The following CMBL variants were observed in gnomAD, a reference collection of about 807,000 sequenced individuals.
CMBL encodes carboxymethylenebutenolidase homolog.
CMBL carries 17 observed loss-of-function variants against 28.7 expected under a neutral mutation model. That is an observed-to-expected ratio of 0.59 (90% CI 0.41 to 0.89). The LOEUF (loss-of-function observed/expected upper bound fraction) is 0.89, where lower values mean the gene tolerates loss of function less well. CMBL is among the 40% of genes least tolerant of loss of function. The pLI is 0.00. For missense variants in CMBL, 310 were observed against 298.5 expected (o/e 1.04, Z -0.28); for synonymous variants, 106 against 101.6 (o/e 1.04, Z -0.26).
At chr5:10,301,376 A>G (rs896323971) in intron 1 of CMBL, among the ~76,000 whole-genome samples, 1 of 152,182 alleles carries the variant, frequency 6.6e-6, no homozygotes, top group Non-Finnish European at 1.5e-5. Context: ...ATAGAACTAT[A>G]ATTAGTAAGA....
chr5:10,295,505 CA>C (rs1173674094), intron 1 of CMBL, among the ~76,000 whole-genome samples: 1 of 152,180 alleles, frequency 6.6e-6, no homozygotes, highest in Non-Finnish European at 1.5e-5. Flanking sequence ...AATGTGTCCC[CA>C]AAAAGTCAGA....
chr5:10,305,065 A>C (rs1485176668), intron 1 of CMBL, among the ~76,000 whole-genome samples: 3 of 152,158 alleles, frequency 2.0e-5, no homozygotes, highest in Non-Finnish European at 4.4e-5. Flanking sequence ...TCCTCGTTAC[A>C]CATGCTGTCA....
In CMBL at chr5:10,289,565, C is replaced by T. The variant is rs1030968357; in HGVS notation, c.215+983G>A. Among the ~76,000 whole-genome samples, 2 of 152,216 alleles carry T rather than the reference C, an allele frequency of 1.3e-5. No individual in the cohort carries two copies. The highest frequency in any genetic ancestry group is 4.8e-5 in the African/African-American group (2 of 41,448). ...TGCAAAATGAGAGCAATAACAGCTC[C>T]TCCCTCAAGGGGCTGCCAGGAGGAC... On this transcript the variant is annotated intron_variant, in intron 2 of 5. Coordinates refer to ENST00000296658, the MANE Select transcript of CMBL (RefSeq NM_138809.4). This position sits in a 1 kb window ranked among gnomAD's most constrained non-coding sequence, Gnocchi z 4.3.
At chr5:10,290,247 G>A (rs1033970908) in intron 2 of CMBL, among the ~76,000 whole-genome samples, 8 of 152,158 alleles carry the variant, frequency 5.3e-5, no homozygotes, top group African/African-American at 1.9e-4. Flanking sequence ...GGCCTCAGAT[G>A]TCCAGTGCCT....
At chr5:10,297,942 C>T (rs1746837085) in intron 1 of CMBL, among the ~76,000 whole-genome samples, 1 of 152,076 alleles carries the variant, frequency 6.6e-6, no homozygotes, top group African/African-American at 2.4e-5. Context: ...GTCAGCAGCT[C>T]AGGGTGAGAG....
chr5:10,292,211 T>C (rs1157144616), intron 1 of CMBL: 1 of 152,100 alleles, frequency 6.6e-6, no homozygotes, highest in Non-Finnish European at 1.5e-5. Flanking sequence ...AACTTGGATT[T>C]TTTTTTGTTT....
intron 1 of CMBL, among the ~76,000 whole-genome samples, chr5:10,302,913 G>A (rs536225811): frequency 3.9e-5 from 6 of 152,146 alleles, no homozygotes; most frequent in Admixed American, 3.9e-4. Context: ...TCCCTTTCCA[G>A]GTCTCTTTCT....
rs1010051170 is a variant in CMBL, at chr5:10,279,122, G to A, written c.*1331C>T. Among the ~76,000 whole-genome samples, 3 of 152,114 alleles carry A rather than the reference G, an allele frequency of 2.0e-5. No individual in the cohort carries two copies. Among genetic ancestry groups the A allele is most frequent in the Admixed American group, 6.5e-5 (1 of 15,272 alleles). ...GTTTCTCACCGGCTCTCCCCTTTACGCCACCACCAGAAACACAGGAGATAT... is the reference window on the plus strand; with the variant it reads ...GTTTCTCACCGGCTCTCCCCTTTACACCACCACCAGAAACACAGGAGATAT... On this transcript the variant is annotated 3_prime_UTR_variant, in exon 6 of 6. Coordinates refer to ENST00000296658, the MANE Select transcript of CMBL (RefSeq NM_138809.4).
rs1746437413 is a variant in CMBL, at chr5:10,278,642, G to A, written c.*1811C>T. Among the ~76,000 whole-genome samples, 1 of 152,092 alleles carries A rather than the reference G, an allele frequency of 6.6e-6. No homozygotes were observed. The highest frequency in any genetic ancestry group is 6.5e-5 in the Admixed American group (1 of 15,268). On this transcript the variant is annotated 3_prime_UTR_variant, in exon 6 of 6. Transcript: ENST00000296658. Reference sequence around the variant, plus strand: ...GGCTCCCCCTTTTTGCTGGCCCTGTGAAGCGTGCTGCCCTCTGTTCTCTGG... The same window carrying A: ...GGCTCCCCCTTTTTGCTGGCCCTGTAAAGCGTGCTGCCCTCTGTTCTCTGG...
intron 1 of CMBL, among the ~76,000 whole-genome samples, chr5:10,299,676 CAAA>C (rs56874867): frequency 8.0e-6 from 1 of 124,910 alleles, no homozygotes; most frequent in Non-Finnish European, 1.8e-5. Flanking sequence ...CCCATCTCTC[CAAA>C]AAAAAAAAAA....
intron 2 of CMBL, 62 bp downstream of exon 2, chr5:10,290,486 G>C: frequency 7.0e-7 from 1 of 1,431,492 alleles, no homozygotes; most frequent in South Asian, 1.2e-5. Context: ...TTTTTAAAGG[G>C]AACAAAATAA....
At chr5:10,286,176 G>A in intron 4 of CMBL, 178 bp downstream of exon 4, 3 of 599,534 alleles carry the variant, frequency 5.0e-6, no homozygotes, top group Non-Finnish European at 8.2e-6. Context: ...GACATCCTCT[G>A]GTTAACTGCA....
intron 1 of CMBL, among the ~76,000 whole-genome samples, chr5:10,302,783 T>C (rs1034545286): frequency 2.6e-5 from 4 of 152,224 alleles, no homozygotes; most frequent in Admixed American, 6.5e-5. Context: ...TCCAAGGATA[T>C]AGACAGCAGG....
At position 10,289,396 on chromosome 5, in the gene CMBL, G is replaced by A. The variant is rs1746663930; in HGVS notation, c.216-867C>T. Among the ~76,000 whole-genome samples, 1 of 152,188 alleles carries A rather than the reference G, an allele frequency of 6.6e-6. No individual in the cohort carries two copies. ...TGTGAAAGGGCTTTGTAAAACAGGG[G>A]TCTTTCCTTATCTTTTATGTCCTGA... On this transcript the variant is annotated intron_variant, in intron 2 of 5. Coordinates refer to ENST00000296658, the MANE Select transcript of CMBL (RefSeq NM_138809.4). This position sits in a 1 kb window ranked among gnomAD's most constrained non-coding sequence, Gnocchi z 4.3.
At chr5:10,285,352 A>T (rs1021999335) in intron 4 of CMBL, among the ~76,000 whole-genome samples, 1 of 152,178 alleles carries the variant, frequency 6.6e-6, no homozygotes, top group East Asian at 1.9e-4. Context: ...TATTTTTAGT[A>T]GAGACGGGGT....
chr5:10,282,371 C>T (rs1434701526), intron 4 of CMBL, 83 bp from the exon 5 acceptor site: 6 of 726,772 alleles, frequency 8.3e-6, no homozygotes, highest in Non-Finnish European at 1.2e-5. Flanking sequence ...ATGATCCCCA[C>T]ACTCATGCCA....
At chr5:10,294,860 A>T (rs953322612) in intron 1 of CMBL, among the ~76,000 whole-genome samples, 2 of 152,190 alleles carry the variant, frequency 1.3e-5, no homozygotes, top group Non-Finnish European at 2.9e-5. Flanking sequence ...GTGTGTTTAA[A>T]TGAGAAGGGA....
chr5:10,300,269 C>T (rs1746877285), intron 1 of CMBL, among the ~76,000 whole-genome samples: 2 of 139,136 alleles, frequency 1.4e-5, no homozygotes, highest in South Asian at 5.6e-4. Flanking sequence ...GATTGCTGGC[C>T]CCCCACCAGA....
At chr5:10,297,549 A>G (rs770553721) in intron 1 of CMBL, among the ~76,000 whole-genome samples, 1 of 150,844 alleles carries the variant, frequency 6.6e-6, no homozygotes, top group Admixed American at 6.6e-5. Context: ...AGCCCGGACA[A>G]GAAGATCGAA....
Sources: gnomAD v4.1 joint callset for allele counts (sites outside exome capture counted in the v4.1 genomes callset) on GRCh38, gnomAD v4.1.1 for gene constraint, Gnocchi (gnomAD v3.1) non-coding constraint, MANE v1.5 for transcripts, NCBI Gene and HGNC (gene_info 2026-07-23, HGNC 2026-07-21) for gene names.